ADGRL4: variants seen among roughly 807,000 people sequenced by gnomAD.
The protein encoded by ADGRL4 is EGF, latrophilin and seven transmembrane domain containing 1.
In ADGRL4, 90 loss-of-function variants were observed where a neutral mutation model predicts 74.8. The ratio of observed to expected loss-of-function variants is 1.20; its 90% CI spans 1.02 to 1.43. The LOEUF is 1.43. Ranked by LOEUF, ADGRL4 falls within the 40% of genes most tolerant of loss-of-function variation. The pLI is 0.00. For synonymous variants in ADGRL4, 311 were observed against 279.2 expected (o/e 1.11, Z -1.14); for missense variants, 881 against 814.3 (o/e 1.08, Z -1.00).
In ADGRL4 at chr1:78,915,624, T is replaced by G. The variant is rs532781990; in HGVS notation, c.1749+2010A>C. On this transcript the variant is annotated intron_variant, in intron 12 of 14. Transcript: ENST00000370742. ...CCCTTCTCCAGTCCTCTCACGGGGC[T>G]ATAGCTGGTGTTTCTCTTTAATTGT... is the stretch of plus-strand genomic sequence containing the variant. Among the ~76,000 whole-genome samples, 143 of 152,014 alleles carry G rather than the reference T, an allele frequency of 9.4e-4. 1 individual carries two copies. Among genetic ancestry groups the G allele is most frequent in the African/African-American group, 3.3e-3 (138 of 41,528 alleles).
At chr1:78,925,532 T>C (rs1649093118) in intron 8 of ADGRL4, among the ~76,000 whole-genome samples, 1 of 151,988 alleles carries the variant, frequency 6.6e-6, no homozygotes, top group South Asian at 2.1e-4. Context: ...ACTGAAGATA[T>C]TACTTATGAG....
In ADGRL4 at chr1:78,890,972, T is replaced by A. The variant is rs932758246; in HGVS notation, c.*182A>T. ...CATAGAAAAACATAGTATATCTATA[T>A]GATACATAATTTTACCTTATTATCT... is the stretch of plus-strand genomic sequence containing the variant. On this transcript the variant is annotated 3_prime_UTR_variant, in exon 15 of 15. Transcript: ENST00000370742. 5 of 637,088 alleles carry A rather than the reference T, an allele frequency of 7.8e-6. No homozygotes were observed. Among genetic ancestry groups the A allele is most frequent in the Non-Finnish European group, 1.1e-5 (4 of 354,014 alleles). The allele number at this position is 637,088 out of a possible 1,614,324, so 39.5% of individuals were successfully genotyped here. A position where few individuals can be genotyped will look rare whatever the true frequency, so the allele number is the denominator to read the frequency against.
intron 12 of ADGRL4, among the ~76,000 whole-genome samples, chr1:78,907,443 G>A (rs1319312884): frequency 6.6e-6 from 1 of 151,934 alleles, no homozygotes; most frequent in Non-Finnish European, 1.5e-5. Flanking sequence ...TATACTGAGA[G>A]AAAATCCATA....
At chr1:78,946,697 A>G (rs1649608899) in intron 2 of ADGRL4, among the ~76,000 whole-genome samples, 1 of 152,176 alleles carries the variant, frequency 6.6e-6, no homozygotes, top group Admixed American at 6.5e-5. Context: ...TATCTTTCAA[A>G]TTTTTACATA....
intron 10 of ADGRL4, among the ~76,000 whole-genome samples, chr1:78,919,837 A>G (rs993278979): frequency 6.6e-6 from 1 of 152,000 alleles, no homozygotes; most frequent in African/African-American, 2.4e-5. Context: ...TTCAGTCCCT[A>G]TTCTAAGATA....
At chr1:78,910,882 T>G (rs1199211272) in intron 12 of ADGRL4, among the ~76,000 whole-genome samples, 1 of 151,810 alleles carries the variant, frequency 6.6e-6, no homozygotes, top group African/African-American at 2.4e-5. Context: ...TTCAGAATTC[T>G]AAGAGATTTT....
intron 7 of ADGRL4, among the ~76,000 whole-genome samples, chr1:78,930,452 T>A (rs1408333192): frequency 2.7e-5 from 2 of 74,330 alleles, no homozygotes; most frequent in East Asian, 5.4e-4. Flanking sequence ...AGCTGATTTT[T>A]TTTTTTTTTT....
chr1:78,997,567 T>C (rs1303752808), intron 2 of ADGRL4, among the ~76,000 whole-genome samples: 1 of 152,178 alleles, frequency 6.6e-6, no homozygotes, highest in Non-Finnish European at 1.5e-5. Context: ...CATAGAAGCC[T>C]CTTCTAAATT....
intron 2 of ADGRL4, among the ~76,000 whole-genome samples, chr1:78,990,536 AT>A (rs1205719021): frequency 6.6e-6 from 1 of 151,970 alleles, no homozygotes; most frequent in Non-Finnish European, 1.5e-5. Flanking sequence ...TAAAGCAACC[AT>A]TTGATTTTTT....
intron 2 of ADGRL4, among the ~76,000 whole-genome samples, chr1:78,961,092 A>AT (rs879873285): frequency 9.1e-4 from 133 of 146,840 alleles, no homozygotes; most frequent in Middle Eastern, 7.1e-3. Context: ...ATACTTCAGT[A>AT]TTTTTTTTTT....
intron 7 of ADGRL4, among the ~76,000 whole-genome samples, chr1:78,927,932 C>T (rs1214142421): frequency 6.8e-6 from 1 of 147,146 alleles, no homozygotes; most frequent in Non-Finnish European, 1.5e-5. Flanking sequence ...AAAGATTTTC[C>T]TCAAGTGTCG....
intron 2 of ADGRL4, among the ~76,000 whole-genome samples, chr1:78,979,373 A>C (rs1480610253): frequency 6.6e-6 from 1 of 151,958 alleles, no homozygotes; most frequent in African/African-American, 2.4e-5. Flanking sequence ...CCCTGTAGTC[A>C]GTATTTCAAA....
At chr1:79,000,533 A>G (rs12073294) in intron 2 of ADGRL4, among the ~76,000 whole-genome samples, 66,016 of 151,820 alleles carry the variant, frequency 0.43, 14,361 homozygotes, top group East Asian at 0.59. Flanking sequence ...TGGTTTATTG[A>G]TTTATTTTCC....
At chr1:78,919,584 A>C (rs1648953195) in intron 10 of ADGRL4, among the ~76,000 whole-genome samples, 3 of 151,836 alleles carry the variant, frequency 2.0e-5, no homozygotes, top group African/African-American at 7.2e-5. Flanking sequence ...TCTTGGTCTG[A>C]TAGCTCTCCA....
intron 2 of ADGRL4, among the ~76,000 whole-genome samples, chr1:78,975,021 G>A (rs1471406537): frequency 6.6e-6 from 1 of 152,148 alleles, no homozygotes; most frequent in African/African-American, 2.4e-5. Context: ...TTCATATGGT[G>A]AATAAATATG....
rs1289686508 is a variant in ADGRL4 at position 78,903,975 on chromosome 1, AAAT to A, written c.1750-10789_1750-10787del. On this transcript the variant is annotated intron_variant, in intron 12 of 14. Transcript: ENST00000370742. The stretch of plus-strand genomic sequence containing the variant: ...TAAATAAATAAATAAATAAATAAAT[AAAT>A]AATAATAATAATAATGTACTATTGA... Among the ~76,000 whole-genome samples the A allele has an allele frequency of 3.3e-3, 352 of 108,054 alleles. 1 individual carries two copies. The highest frequency in any genetic ancestry group is 0.01 in the African/African-American group (318 of 31,782). The allele number at this position is 108,054 out of a possible 152,430, so 70.9% of individuals were successfully genotyped here.
At chr1:78,972,494 G>A (rs1474244629) in intron 2 of ADGRL4, among the ~76,000 whole-genome samples, 1 of 152,064 alleles carries the variant, frequency 6.6e-6, no homozygotes, top group Non-Finnish European at 1.5e-5. Flanking sequence ...AAATATAAGA[G>A]GCAATGGTTT....
intron 2 of ADGRL4, among the ~76,000 whole-genome samples, chr1:78,976,755 T>C (rs1448525868): frequency 6.6e-6 from 1 of 151,232 alleles, no homozygotes; most frequent in African/African-American, 2.4e-5. Context: ...AACAGCACTA[T>C]ATTTTTTAAG....
chr1:78,913,273 A>T (rs1648800547), intron 12 of ADGRL4, among the ~76,000 whole-genome samples: 1 of 151,940 alleles, frequency 6.6e-6, no homozygotes, highest in South Asian at 2.1e-4. Flanking sequence ...TTGACCCAGC[A>T]ATCCCATTAC....
Sources: allele counts gnomAD v4.1 joint callset (sites outside exome capture counted in the v4.1 genomes callset), GRCh38; gene constraint gnomAD v4.1.1; transcripts MANE v1.5; gene names NCBI Gene and HGNC (gene_info 2026-07-23, HGNC 2026-07-21).